ERBB4: variants seen among roughly 807,000 people sequenced by gnomAD.
ERBB4 encodes the protein erb-b2 receptor tyrosine kinase 4.
In ERBB4, 42 loss-of-function variants were observed where a neutral mutation model predicts 158.0. The ratio of observed to expected loss-of-function variants is 0.27; its 90% CI spans 0.21 to 0.34. The LOEUF (loss-of-function observed/expected upper bound fraction) is 0.34. Ranked by LOEUF, ERBB4 falls within the 10% of genes least tolerant of loss-of-function variation. ERBB4 has a pLI of 1.00. For missense variants in ERBB4, 1,333 were observed against 1,624.1 expected (o/e 0.82, Z 3.08); for synonymous variants, 583 against 558.7 (o/e 1.04, Z -0.61).
chr2:212,100,618 A>G (rs1057472032), intron 2 of ERBB4, among the ~76,000 whole-genome samples: 3 of 152,202 alleles, frequency 2.0e-5, no homozygotes, highest in African/African-American at 7.2e-5. Context: ...ACAAAAATAA[A>G]TAAGTCAAAG....
intron 3 of ERBB4, among the ~76,000 whole-genome samples, chr2:211,853,595 A>T (rs2077773533): frequency 6.6e-6 from 1 of 152,084 alleles, no homozygotes; most frequent in African/African-American, 2.4e-5. Context: ...ATATGGAGGC[A>T]GTGGTCTGAG....
chr2:212,302,097 T>C (rs1419005411), intron 1 of ERBB4, among the ~76,000 whole-genome samples: 4 of 151,422 alleles, frequency 2.6e-5, no homozygotes, highest in Non-Finnish European at 5.9e-5. Flanking sequence ...TTTGGGCTGA[T>C]TGATTATGCC....
intron 1 of ERBB4, among the ~76,000 whole-genome samples, chr2:212,443,848 C>T (rs1169565730): frequency 1.3e-5 from 2 of 152,170 alleles, no homozygotes; most frequent in African/African-American, 4.8e-5. Context: ...TTTTGAGAGA[C>T]AGCTCTTGGA....
intron 3 of ERBB4, among the ~76,000 whole-genome samples, chr2:211,897,668 T>C (rs2079132491): frequency 6.6e-6 from 1 of 152,090 alleles, no homozygotes. Flanking sequence ...TTCTTAAAGA[T>C]ACCTTTTATC....
chr2:212,101,043 T>C lies in ERBB4; in HGVS notation c.234+23709A>G, dbSNP rs181208175. Among the ~76,000 whole-genome samples the C allele has an allele frequency of 2.5e-3, 387 of 152,172 alleles. 1 individual carries two copies. Among genetic ancestry groups the C allele is most frequent in the African/African-American group, 9.0e-3 (372 of 41,538 alleles). On this transcript the variant is annotated intron_variant, in intron 2 of 27. Transcript: ENST00000342788. ...AGTCAATTTTTAATGGCTTTATTTA[T>C]TTAGATTTGGTTATAGGCAAGGGAC...
intron 2 of ERBB4, among the ~76,000 whole-genome samples, chr2:211,950,524 T>G (rs1384591408): frequency 2.0e-5 from 3 of 152,166 alleles, no homozygotes; most frequent in Non-Finnish European, 4.4e-5. Flanking sequence ...CTAGTTGGTT[T>G]ATAATAAAAA....
chr2:211,499,358 A>T (rs138601730), intron 20 of ERBB4, among the ~76,000 whole-genome samples: 2,716 of 152,026 alleles, frequency 0.018, 79 homozygotes, highest in African/African-American at 0.061. Flanking sequence ...CCCCATCTCT[A>T]CTAAAATACA....
intron 1 of ERBB4, among the ~76,000 whole-genome samples, chr2:212,128,568 G>T (rs932198665): frequency 2.0e-5 from 3 of 152,136 alleles, no homozygotes; most frequent in Non-Finnish European, 4.4e-5. Context: ...ATTTTACATT[G>T]TCATATTATC....
intron 2 of ERBB4, among the ~76,000 whole-genome samples, chr2:212,008,469 C>G (rs2076306294): frequency 6.6e-6 from 1 of 151,958 alleles, no homozygotes; most frequent in Non-Finnish European, 1.5e-5. Context: ...TTGATGAACT[C>G]CTAGTAGGTT....
At chr2:212,469,901 T>C (rs1689028505) in intron 1 of ERBB4, among the ~76,000 whole-genome samples, 1 of 152,142 alleles carries the variant, frequency 6.6e-6, no homozygotes, top group African/African-American at 2.4e-5. Flanking sequence ...TCTTTTCGGA[T>C]GGAACATCAG....
intron 1 of ERBB4, among the ~76,000 whole-genome samples, chr2:212,287,010 GT>G (rs2086014935): frequency 6.6e-6 from 1 of 151,542 alleles, no homozygotes; most frequent in African/African-American, 2.4e-5. Flanking sequence ...GAGAACAATT[GT>G]TCTGAGAGAC....
chr2:211,390,517 T>A (rs2062778493), intron 25 of ERBB4, among the ~76,000 whole-genome samples: 1 of 152,212 alleles, frequency 6.6e-6, no homozygotes, highest in Non-Finnish European at 1.5e-5. Flanking sequence ...ATTTTGCATT[T>A]TACAAAACCT....
At chr2:212,048,077 A>G (rs545524865) in intron 2 of ERBB4, among the ~76,000 whole-genome samples, 5 of 152,340 alleles carry the variant, frequency 3.3e-5, no homozygotes, top group African/African-American at 1.2e-4. Context: ...ATGTGAAGTC[A>G]GGGAAGAAAA....
chr2:211,695,649 T>C (rs980410508), intron 12 of ERBB4, among the ~76,000 whole-genome samples: 1 of 152,174 alleles, frequency 6.6e-6, no homozygotes, highest in African/African-American at 2.4e-5. Flanking sequence ...AATAACATAA[T>C]AACTAATATT....
intron 4 of ERBB4, chr2:211,777,649 T>G (rs13008370): frequency 0.36 from 54,495 of 151,998 alleles, 10,159 homozygotes; most frequent in South Asian, 0.57. Flanking sequence ...TATAGCCTTG[T>G]CACCCCAACC....
chr2:212,162,041 A>G (rs2081217010), intron 1 of ERBB4, among the ~76,000 whole-genome samples: 1 of 151,838 alleles, frequency 6.6e-6, no homozygotes, highest in African/African-American at 2.4e-5. Flanking sequence ...AATTTCACAT[A>G]AACCCAAATA....
intron 3 of ERBB4, among the ~76,000 whole-genome samples, chr2:211,861,350 G>GTT (rs67133944): frequency 1.1e-5 from 1 of 88,952 alleles, no homozygotes; most frequent in East Asian, 3.5e-4. Context: ...TTTTTTTTTT[G>GTT]TTTTTTTTTT....
At chr2:211,813,564 G>A (rs1007727953) in intron 3 of ERBB4, among the ~76,000 whole-genome samples, 7 of 152,058 alleles carry the variant, frequency 4.6e-5, no homozygotes, top group African/African-American at 1.7e-4. Flanking sequence ...GTTTATCTTT[G>A]CATGCAGTGA....
At chr2:212,281,980 G>T (rs1230290641) in intron 1 of ERBB4, among the ~76,000 whole-genome samples, 3 of 151,932 alleles carry the variant, frequency 2.0e-5, no homozygotes, top group African/African-American at 7.2e-5. Flanking sequence ...TATGCATTGT[G>T]TGCCAGAGTA....
Sources: allele counts gnomAD v4.1 joint callset (sites outside exome capture counted in the v4.1 genomes callset), GRCh38; gene constraint gnomAD v4.1.1; transcripts MANE v1.5; gene names NCBI Gene and HGNC (gene_info 2026-07-23, HGNC 2026-07-21).